Variants in IFT56 observed in about 807,000 individuals in gnomAD.
IFT56 encodes intraflagellar transport 56.
chr7:139,186,492 G>A, the IFT56 span, among the ~76,000 whole-genome samples: 5 of 151,784 alleles, frequency 3.3e-5, no homozygotes, highest in African/African-American at 1.2e-4. Context: ...AAATTTAATG[G>A]CATTCAACAT....
chr7:139,137,085 C>G, the IFT56 span, among the ~76,000 whole-genome samples: 22 of 152,038 alleles, frequency 1.4e-4, no homozygotes, highest in Non-Finnish European at 1.2e-4. Context: ...TATAGTGATG[C>G]TCCATAAATA....
the IFT56 span, among the ~76,000 whole-genome samples, chr7:139,160,701 G>A: frequency 6.6e-6 from 1 of 152,162 alleles, no homozygotes; most frequent in African/African-American, 2.4e-5. Flanking sequence ...CTCCAAAAAT[G>A]CTGGGATTAC....
At chr7:139,165,221 C>G in the IFT56 span, 8 of 1,612,482 alleles carry the variant, frequency 5.0e-6, no homozygotes, top group Admixed American at 1.3e-4. Flanking sequence ...TGGTGATTTA[C>G]TACCTTCGTC....
the IFT56 span, chr7:139,161,102 A>G: frequency 7.7e-7 from 1 of 1,292,596 alleles, no homozygotes; most frequent in Non-Finnish European, 1.1e-6. Context: ...AGATTAATAA[A>G]AGGAGATGCG....
chr7:139,142,640 G>T, the IFT56 span, among the ~76,000 whole-genome samples: 1 of 152,150 alleles, frequency 6.6e-6, no homozygotes, highest in African/African-American at 2.4e-5. Flanking sequence ...GACCAGCTTG[G>T]CCAACATGGT....
the IFT56 span, among the ~76,000 whole-genome samples, chr7:139,149,567 T>C: frequency 6.6e-6 from 1 of 152,172 alleles, no homozygotes; most frequent in South Asian, 2.1e-4. Context: ...CATAGCTTTG[T>C]GTGCAACATT....
At chr7:139,137,723 C>T in the IFT56 span, 2 of 659,290 alleles carry the variant, frequency 3.0e-6, no homozygotes, top group African/African-American at 1.8e-5. Flanking sequence ...AATTAAACCT[C>T]ATATTGTCAT....
At chr7:139,163,731 G>A in the IFT56 span, among the ~76,000 whole-genome samples, 1 of 152,292 alleles carries the variant, frequency 6.6e-6, no homozygotes, top group Non-Finnish European at 1.5e-5. Context: ...TGGGAAGATT[G>A]AAGGTACAAT....
At chr7:139,187,505 A>G in the IFT56 span, 1 of 1,614,194 alleles carries the variant, frequency 6.2e-7, no homozygotes, top group Non-Finnish European at 8.5e-7. Flanking sequence ...CTGTGTGGGC[A>G]TTTTCCAGAT....
At chr7:139,157,495 A>AT in the IFT56 span, among the ~76,000 whole-genome samples, 14,660 of 82,424 alleles carry the variant, frequency 0.18, 2,604 homozygotes, top group African/African-American at 0.42. Flanking sequence ...TTTGTATTGG[A>AT]TTTTTTTTTT....
At chr7:139,166,248 G>C in the IFT56 span, among the ~76,000 whole-genome samples, 1 of 152,124 alleles carries the variant, frequency 6.6e-6, no homozygotes, top group Non-Finnish European at 1.5e-5. Context: ...GTGAGCCACC[G>C]TGCCCGGCCT....
the IFT56 span, among the ~76,000 whole-genome samples, chr7:139,183,857 G>T: frequency 6.6e-6 from 1 of 152,158 alleles, no homozygotes; most frequent in Non-Finnish European, 1.5e-5. Context: ...AGCTTTATTT[G>T]TAATAGCCTA....
At chr7:139,142,780 C>A in the IFT56 span, among the ~76,000 whole-genome samples, 2 of 151,898 alleles carry the variant, frequency 1.3e-5, no homozygotes, top group African/African-American at 4.8e-5. Context: ...TGCAGTGAGC[C>A]GAGATCGTGC....
At chr7:139,146,163 T>G in the IFT56 span, among the ~76,000 whole-genome samples, 1 of 152,212 alleles carries the variant, frequency 6.6e-6, no homozygotes, top group Non-Finnish European at 1.5e-5. Flanking sequence ...TTTACAAAAT[T>G]TTTAAGCTAA....
At chr7:139,187,497 G>A in the IFT56 span, 11 of 1,614,086 alleles carry the variant, frequency 6.8e-6, no homozygotes, top group Admixed American at 1.7e-5. Flanking sequence ...CGGGGTGCCT[G>A]TGTGGGCATT....
the IFT56 span, chr7:139,169,174 C>A: frequency 1.1e-6 from 1 of 899,596 alleles, no homozygotes; most frequent in Non-Finnish European, 1.7e-6. Context: ...TTGTTTGGGG[C>A]AAGATTTAAA....
At chr7:139,181,119 C>T in the IFT56 span, 1 of 1,611,632 alleles carries the variant, frequency 6.2e-7, no homozygotes, top group Non-Finnish European at 8.5e-7. Flanking sequence ...CCAAGACTAG[C>T]CTGGGAACTT....
the IFT56 span, among the ~76,000 whole-genome samples, chr7:139,175,947 G>A: frequency 2.6e-5 from 4 of 151,704 alleles, no homozygotes; most frequent in Non-Finnish European, 5.9e-5. Flanking sequence ...CTCCTGCCTC[G>A]GCCTCCCGAG....
the IFT56 span, among the ~76,000 whole-genome samples, chr7:139,162,715 C>A: frequency 6.6e-6 from 1 of 152,104 alleles, no homozygotes; most frequent in African/African-American, 2.4e-5. Context: ...AATCCCAGCA[C>A]TTTGGGAGGC....
Sources: allele counts gnomAD v4.1 joint callset (sites outside exome capture counted in the v4.1 genomes callset), GRCh38; gene constraint gnomAD v4.1.1; transcripts MANE v1.5; gene names NCBI Gene and HGNC (gene_info 2026-07-23, HGNC 2026-07-21).